PTPRT: variants seen among roughly 807,000 people sequenced by gnomAD.
The protein encoded by PTPRT is protein tyrosine phosphatase receptor type T.
Under a neutral mutation model 176.8 loss-of-function variants are expected in PTPRT, and 56 were observed. The ratio of observed to expected loss-of-function variants is 0.32; its 90% CI spans 0.26 to 0.40. The LOEUF (loss-of-function observed/expected upper bound fraction) is 0.40. Among genes scored for constraint, PTPRT ranks in the 10% least tolerant of loss-of-function variants. The pLI is 1.00. For synonymous variants in PTPRT, 783 were observed against 739.0 expected (o/e 1.06, Z -0.96); for missense variants, 1,540 against 1,908.2 (o/e 0.81, Z 3.60).
At chr20:42,506,761 G>T (rs185630827) in intron 7 of PTPRT, among the ~76,000 whole-genome samples, 5 of 152,058 alleles carry the variant, frequency 3.3e-5, no homozygotes, top group Non-Finnish European at 5.9e-5. Context: ...TTTGTGTAAG[G>T]TTACAGAATC....
At chr20:42,797,093 T>C (rs2077465206) in intron 2 of PTPRT, among the ~76,000 whole-genome samples, 1 of 152,184 alleles carries the variant, frequency 6.6e-6, no homozygotes, top group Non-Finnish European at 1.5e-5. Flanking sequence ...CAGGGAGACC[T>C]TAATAGACTG....
At chr20:42,281,298 G>C (rs2057135393) in intron 13 of PTPRT, among the ~76,000 whole-genome samples, 1 of 152,138 alleles carries the variant, frequency 6.6e-6, no homozygotes, top group Non-Finnish European at 1.5e-5. Context: ...TCCTGAGAGG[G>C]AACAAGTTAG....
chr20:42,933,530 T>C (rs148960611), intron 1 of PTPRT, among the ~76,000 whole-genome samples: 9 of 152,342 alleles, frequency 5.9e-5, no homozygotes, highest in Middle Eastern at 3.4e-3. Flanking sequence ...TCCTGGTCTA[T>C]TGATTGATTG....
intron 1 of PTPRT, among the ~76,000 whole-genome samples, chr20:43,071,122 G>A (rs903644775): frequency 3.3e-5 from 5 of 152,132 alleles, no homozygotes; most frequent in Admixed American, 2.6e-4. Flanking sequence ...GCAGTCCGGG[G>A]TTCCTTGAGG....
chr20:42,184,027 A>C (rs962249803), intron 16 of PTPRT, among the ~76,000 whole-genome samples: 1 of 152,146 alleles, frequency 6.6e-6, no homozygotes, highest in Non-Finnish European at 1.5e-5. Flanking sequence ...TGAATATGCA[A>C]ATGAGGGAGG....
chr20:42,124,899 G>A (rs968034889), intron 19 of PTPRT, among the ~76,000 whole-genome samples: 2 of 152,078 alleles, frequency 1.3e-5, no homozygotes, highest in Non-Finnish European at 2.9e-5. Flanking sequence ...TATGGATCGC[G>A]CCATGGGCTC....
chr20:42,183,092 C>T (rs1054841119), intron 16 of PTPRT, among the ~76,000 whole-genome samples: 22 of 152,170 alleles, frequency 1.4e-4, no homozygotes, highest in Admixed American at 1.0e-3. Context: ...TTTCTAAAAC[C>T]GACTCAATCC....
chr20:42,298,339 C>T (rs1406716944), intron 12 of PTPRT, among the ~76,000 whole-genome samples: 3 of 151,974 alleles, frequency 2.0e-5, no homozygotes, highest in Non-Finnish European at 4.4e-5. Flanking sequence ...AAAGTTAGAC[C>T]ACACAAACTG....
At chr20:42,733,050 T>A (rs1373654806) in intron 6 of PTPRT, among the ~76,000 whole-genome samples, 1 of 152,180 alleles carries the variant, frequency 6.6e-6, no homozygotes. Context: ...AACACAATGA[T>A]GCAACCTCAT....
chr20:42,458,828 T>C (rs1427030273), intron 8 of PTPRT, among the ~76,000 whole-genome samples: 1 of 152,230 alleles, frequency 6.6e-6, no homozygotes, highest in Non-Finnish European at 1.5e-5. Flanking sequence ...CGTTCAATAA[T>C]GTATTTATTG....
chr20:42,079,819 T>C lies in PTPRT; in HGVS notation c.*1060A>G, dbSNP rs984791303. Reference sequence around the variant, plus strand: ...ATCTTCAGGCTCACCCATCTCTCCTTGCTCAGTGGCATGCTGTCCCAGGGT... The same window carrying C: ...ATCTTCAGGCTCACCCATCTCTCCTCGCTCAGTGGCATGCTGTCCCAGGGT... On this transcript the variant is annotated 3_prime_UTR_variant, in exon 31 of 31. Coordinates refer to ENST00000373187, the MANE Select transcript of PTPRT (RefSeq NM_007050.6). 2 of 230,324 alleles carry C rather than the reference T, an allele frequency of 8.7e-6. No homozygotes were observed. The highest frequency in any genetic ancestry group is 1.7e-5 in the Non-Finnish European group (2 of 116,254). 14.3% of individuals were successfully genotyped at this position (230,324 alleles called of 1,614,324 possible).
chr20:43,038,895 A>G (rs1986493532), intron 1 of PTPRT, among the ~76,000 whole-genome samples: 1 of 152,220 alleles, frequency 6.6e-6, no homozygotes, highest in Non-Finnish European at 1.5e-5. Context: ...GACCTAAAAA[A>G]AGAAAACTCT....
chr20:42,274,575 G>GTGTGTGTGTA, intron 13 of PTPRT, among the ~76,000 whole-genome samples: 1 of 140,604 alleles, frequency 7.1e-6, no homozygotes, highest in Non-Finnish European at 1.6e-5. Flanking sequence ...GTGTGTGTGT[G>GTGTGTGTGTA]TGTGTGTGTG....
chr20:42,509,948 G>A (rs1377744525), intron 7 of PTPRT, among the ~76,000 whole-genome samples: 4 of 152,072 alleles, frequency 2.6e-5, no homozygotes, highest in Non-Finnish European at 5.9e-5. Context: ...AGGAACCTGG[G>A]CTGTGAAGTC....
intron 1 of PTPRT, among the ~76,000 whole-genome samples, chr20:42,952,708 C>A (rs1054825754): frequency 6.6e-6 from 1 of 152,268 alleles, no homozygotes; most frequent in South Asian, 2.1e-4. Context: ...GCTCCAGTTA[C>A]CTCACTGAGT....
chr20:42,359,349 A>G (rs148581365), intron 9 of PTPRT, among the ~76,000 whole-genome samples: 1 of 152,254 alleles, frequency 6.6e-6, no homozygotes, highest in Non-Finnish European at 1.5e-5. Flanking sequence ...GACAACAGTG[A>G]CTCTGAGAGA....
At chr20:43,101,525 TA>T (rs1470166703) in intron 1 of PTPRT, among the ~76,000 whole-genome samples, 7 of 152,112 alleles carry the variant, frequency 4.6e-5, no homozygotes, top group African/African-American at 1.7e-4. Context: ...AATGATGTAA[TA>T]TGGTGAAATA....
chr20:42,889,548 C>T (rs2079157535), intron 1 of PTPRT, among the ~76,000 whole-genome samples: 1 of 152,180 alleles, frequency 6.6e-6, no homozygotes, highest in African/African-American at 2.4e-5. Flanking sequence ...ACCGTAAGGT[C>T]ACTCTGGGGA....
chr20:42,809,778 G>A (rs1346530004), intron 2 of PTPRT, among the ~76,000 whole-genome samples: 1 of 151,874 alleles, frequency 6.6e-6, no homozygotes, highest in Non-Finnish European at 1.5e-5. Context: ...AGCTATCATT[G>A]GATTTAGGAT....
Sources: allele counts gnomAD v4.1 joint callset (sites outside exome capture counted in the v4.1 genomes callset), GRCh38; gene constraint gnomAD v4.1.1; transcripts MANE v1.5; gene names NCBI Gene and HGNC (gene_info 2026-07-23, HGNC 2026-07-21).